The following LIPC variants were observed in gnomAD, a reference collection of about 807,000 sequenced individuals.
The protein encoded by LIPC is lipase C, hepatic type, also known as hepatic triacylglycerol lipase.
Under a neutral mutation model 50.7 loss-of-function variants are expected in LIPC, and 44 were observed. That is an observed-to-expected ratio of 0.87 (90% CI 0.68 to 1.11). LIPC has a LOEUF of 1.11. Among genes scored for constraint, LIPC ranks in the 50% most tolerant of loss-of-function variants. The pLI, the probability that LIPC is intolerant of heterozygous loss-of-function variation, is 0.00. For missense variants in LIPC, 697 were observed against 648.2 expected (o/e 1.08, Z -0.82); for synonymous variants, 271 against 256.4 (o/e 1.06, Z -0.54).
Position 58,562,848 on chromosome 15 carries a change from A to G in LIPC, c.1170-657A>G, listed in dbSNP as rs372148058. ...CATCCATCTGCCTCGCCCTAAATCCACTGCTGCCTCTGCACTGCCAAAAAT... is the reference window on the plus strand; with the variant it reads ...CATCCATCTGCCTCGCCCTAAATCCGCTGCTGCCTCTGCACTGCCAAAAAT... On this transcript the variant is annotated intron_variant, in intron 7 of 8. Coordinates refer to ENST00000299022, the MANE Select transcript of LIPC (RefSeq NM_000236.3). Among the ~76,000 whole-genome samples, 44 of 133,546 alleles carry G rather than the reference A, an allele frequency of 3.3e-4. No homozygotes were observed. In the East Asian group the frequency reaches 0.01, roughly 32 times the overall value. The allele number at this position is 133,546 out of a possible 152,430, so 87.6% of individuals were successfully genotyped here.
intron 1 of LIPC, among the ~76,000 whole-genome samples, chr15:58,518,365 T>C (rs1892547052): frequency 6.6e-6 from 1 of 152,116 alleles, no homozygotes; most frequent in African/African-American, 2.4e-5. Context: ...ATTAAGTTAG[T>C]TCTGTGAAAG....
At chr15:58,564,611 C>T (rs1894295087) in intron 8 of LIPC, among the ~76,000 whole-genome samples, 1 of 152,116 alleles carries the variant, frequency 6.6e-6, no homozygotes, top group East Asian at 1.9e-4. Context: ...ATGGTAGTCC[C>T]AGCTACTCGG....
chr15:58,539,144 T>C (rs1487610521), intron 2 of LIPC, among the ~76,000 whole-genome samples: 1 of 152,184 alleles, frequency 6.6e-6, no homozygotes. Flanking sequence ...ATCACATCTT[T>C]ATTCCAGGAA....
intron 1 of LIPC, among the ~76,000 whole-genome samples, chr15:58,502,506 T>C (rs1161176043): frequency 1.4e-4 from 3 of 21,196 alleles, no homozygotes; most frequent in Non-Finnish European, 2.4e-4. Context: ...CATGTAATTT[T>C]CTCTTTTTTT....
At chr15:58,475,020 G>T (rs1264086363) in intron 1 of LIPC, among the ~76,000 whole-genome samples, 1 of 152,196 alleles carries the variant, frequency 6.6e-6, no homozygotes, top group Non-Finnish European at 1.5e-5. Flanking sequence ...AATGCCACCT[G>T]TGGTGGCCCC....
chr15:58,531,971 T>G (rs1892974071), intron 1 of LIPC, among the ~76,000 whole-genome samples: 1 of 152,166 alleles, frequency 6.6e-6, no homozygotes, highest in Non-Finnish European at 1.5e-5. Flanking sequence ...AGGAGTGAAT[T>G]ATACCTTGGG....
intron 1 of LIPC, among the ~76,000 whole-genome samples, chr15:58,472,057 G>T (rs1483376270): frequency 3.9e-5 from 6 of 151,938 alleles, no homozygotes; most frequent in African/African-American, 1.5e-4. Flanking sequence ...ATCACCTGAG[G>T]TCAGGAGTTC....
At chr15:58,494,088 G>C (rs1342307994) in intron 1 of LIPC, among the ~76,000 whole-genome samples, 1 of 152,228 alleles carries the variant, frequency 6.6e-6, no homozygotes, top group Non-Finnish European at 1.5e-5. Flanking sequence ...CAGCTACTGG[G>C]ACAGAGGCTT....
Position 58,565,469 on chromosome 15 carries a change from A to T in LIPC, c.1388+1746A>T, listed in dbSNP as rs375637490. ...GGAGAGGGAGGGGCCTGGCCCTTCCAGGGCTCCCACACGGGGTGAGCATTG... is the reference window on the plus strand; with the variant it reads ...GGAGAGGGAGGGGCCTGGCCCTTCCTGGGCTCCCACACGGGGTGAGCATTG... On this transcript the variant is annotated intron_variant, in intron 8 of 8. Transcript: ENST00000299022. The T allele has an allele frequency of 1.3e-5, 18 of 1,407,720 alleles. 1 individual carries two copies. The South Asian group carries it at 1.8e-4, about 14-fold the overall frequency. The allele number at this position is 1,407,720 out of a possible 1,614,324, so 87.2% of individuals were successfully genotyped here.
chr15:58,546,602 G>A (rs914461020), intron 5 of LIPC, among the ~76,000 whole-genome samples: 1 of 152,158 alleles, frequency 6.6e-6, no homozygotes. Flanking sequence ...CATGCACATT[G>A]ATAATATGCA....
intron 1 of LIPC, chr15:58,454,468 T>C (rs261335): frequency 0.97 from 147,914 of 152,336 alleles, 71,960 homozygotes; most frequent in South Asian, 1. Context: ...CTGACAGAGC[T>C]GACCTTGAGC....
intron 1 of LIPC, among the ~76,000 whole-genome samples, chr15:58,508,024 G>A (rs762912561): frequency 7.9e-5 from 12 of 152,186 alleles, no homozygotes; most frequent in Non-Finnish European, 1.6e-4. Context: ...AACAGAAGAC[G>A]ATGGTTTGTG....
At position 58,548,409 on chromosome 15, in the gene LIPC, G is replaced by A; in HGVS notation, c.888G>A (p.Gln296=). The A allele has an allele frequency of 6.2e-7, 1 of 1,614,188 alleles. No individual in the cohort carries two copies. Among genetic ancestry groups the A allele is most frequent in the Non-Finnish European group, 8.5e-7 (1 of 1,180,054 alleles). Residue 296 remains glutamine, a synonymous_variant, in exon 6 of 9, where the codon CAG becomes CAA. Coordinates refer to ENST00000299022, the MANE Select transcript of LIPC (RefSeq NM_000236.3). ...ACTCCTTGCTGCACGCCGGCACGCA[G>A]AGCATGGCCTACCCGTGTGGTGACA... is the stretch of plus-strand genomic sequence containing the variant. ...FIDSLLHAGT[Q]SMAYPCGDMN...
intron 6 of LIPC, among the ~76,000 whole-genome samples, chr15:58,553,220 G>A (rs577073086): frequency 2.6e-5 from 4 of 152,200 alleles, no homozygotes; most frequent in Admixed American, 6.5e-5. Context: ...GCAACAGGAC[G>A]CCAGTCAGCA....
intron 1 of LIPC, among the ~76,000 whole-genome samples, chr15:58,446,656 G>A (rs1396239086): frequency 6.6e-6 from 1 of 152,066 alleles, no homozygotes; most frequent in Non-Finnish European, 1.5e-5. Flanking sequence ...CCATGGCGCT[G>A]GCTCCTTGCA....
intron 1 of LIPC, among the ~76,000 whole-genome samples, chr15:58,486,845 CTA>C (rs1891393604): frequency 6.6e-6 from 1 of 152,202 alleles, no homozygotes; most frequent in African/African-American, 2.4e-5. Flanking sequence ...AATAATTCAA[CTA>C]TAGGTGCTTG....
chr15:58,494,741 C>G (rs1262508842), intron 1 of LIPC: 1 of 455,632 alleles, frequency 2.2e-6, no homozygotes. Flanking sequence ...CTTTAATGAC[C>G]TGTTAAAACT....
At chr15:58,444,479 T>C (rs1358298331) in intron 1 of LIPC, among the ~76,000 whole-genome samples, 1 of 152,186 alleles carries the variant, frequency 6.6e-6, no homozygotes, top group African/African-American at 2.4e-5. Flanking sequence ...GACCACAGAC[T>C]GGGTGGCCTC....
At chr15:58,453,228 T>TC (rs1370150105) in intron 1 of LIPC, among the ~76,000 whole-genome samples, 1 of 151,974 alleles carries the variant, frequency 6.6e-6, no homozygotes, top group Non-Finnish European at 1.5e-5. Flanking sequence ...TGCCACACAG[T>TC]CCCATAAACT....
Sources: gnomAD v4.1 joint callset for allele counts (sites outside exome capture counted in the v4.1 genomes callset) on GRCh38, gnomAD v4.1.1 for gene constraint, MANE v1.5 for transcripts, NCBI Gene and HGNC (gene_info 2026-07-23, HGNC 2026-07-21) for gene names.